The following GALNT7 variants were observed in gnomAD, a reference collection of about 807,000 sequenced individuals.
The protein encoded by GALNT7 is polypeptide N-acetylgalactosaminyltransferase 7.
Under a neutral mutation model 82.1 loss-of-function variants are expected in GALNT7, and 60 were observed. That is an observed-to-expected ratio of 0.73 (90% CI 0.59 to 0.91). The LOEUF is 0.91. GALNT7 is among the 40% of genes least tolerant of loss of function. GALNT7 has a pLI of 0.00. For synonymous variants in GALNT7, 243 were observed against 275.1 expected (o/e 0.88, Z 1.15); for missense variants, 660 against 804.2 (o/e 0.82, Z 2.17).
At chr4:173,239,957 T>A (rs1277525867) in intron 1 of GALNT7, among the ~76,000 whole-genome samples, 5 of 152,182 alleles carry the variant, frequency 3.3e-5, no homozygotes, top group Non-Finnish European at 7.3e-5. Context: ...TATAACGGAT[T>A]TGTTACCCAT....
intron 1 of GALNT7, among the ~76,000 whole-genome samples, chr4:173,225,556 G>A (rs1733798915): frequency 6.6e-6 from 1 of 152,114 alleles, no homozygotes; most frequent in Non-Finnish European, 1.5e-5. Flanking sequence ...ATTTAGCATT[G>A]CCAGGCACTC....
chr4:173,301,832 TAC>T (rs1238011426), intron 6 of GALNT7, among the ~76,000 whole-genome samples: 1 of 152,260 alleles, frequency 6.6e-6, no homozygotes, highest in Non-Finnish European at 1.5e-5. Context: ...TGTAATGAGC[TAC>T]AGTTTCAGTT....
intron 9 of GALNT7, among the ~76,000 whole-genome samples, chr4:173,315,502 T>C (rs1424626734): frequency 6.6e-6 from 1 of 152,108 alleles, no homozygotes; most frequent in African/African-American, 2.4e-5. Flanking sequence ...TTCATGGGAC[T>C]GAATGAGGTC....
intron 2 of GALNT7, among the ~76,000 whole-genome samples, chr4:173,268,592 G>A (rs1035608413): frequency 2.9e-4 from 39 of 135,502 alleles, no homozygotes; most frequent in African/African-American, 1.1e-3. Context: ...CAGGCGTGGC[G>A]CCATCTTGGC....
intron 10 of GALNT7, 69 bp from the exon 11 acceptor site, chr4:173,318,358 GTTTC>G: frequency 8.2e-7 from 1 of 1,213,056 alleles, no homozygotes; most frequent in South Asian, 1.4e-5. Context: ...TAGGAGTTAA[GTTTC>G]TTTCTTTTCA....
chr4:173,192,312 CT>C (rs781015841), intron 1 of GALNT7, among the ~76,000 whole-genome samples: 18 of 152,256 alleles, frequency 1.2e-4, no homozygotes, highest in African/African-American at 4.3e-4. Context: ...TACCCTCCCC[CT>C]GTCCATTATG....
intron 1 of GALNT7, among the ~76,000 whole-genome samples, chr4:173,184,683 A>G (rs1008178175): frequency 2.0e-5 from 3 of 152,032 alleles, no homozygotes; most frequent in Non-Finnish European, 4.4e-5. Context: ...TGCCTTATAT[A>G]TGCAGTGATG....
At chr4:173,209,138 C>T (rs1223448605) in intron 1 of GALNT7, among the ~76,000 whole-genome samples, 1 of 152,210 alleles carries the variant, frequency 6.6e-6, no homozygotes. Flanking sequence ...CTGATGCACA[C>T]TGGTGCCAAA....
intron 1 of GALNT7, among the ~76,000 whole-genome samples, chr4:173,197,206 C>G (rs1227683520): frequency 6.6e-6 from 1 of 151,952 alleles, no homozygotes; most frequent in Non-Finnish European, 1.5e-5. Context: ...AGACTCATCA[C>G]TGAGATTCTT....
At chr4:173,304,434 T>C (rs567814320) in intron 8 of GALNT7, among the ~76,000 whole-genome samples, 10 of 152,166 alleles carry the variant, frequency 6.6e-5, no homozygotes, top group Admixed American at 2.0e-4. Flanking sequence ...ATTTTTTTAA[T>C]TGACAAGTAA....
rs1479130303 is a variant in GALNT7 at position 173,323,265 on chromosome 4, A to C, written c.*1548A>C. On this transcript the variant is annotated 3_prime_UTR_variant, in exon 12 of 12. Coordinates refer to ENST00000265000, the MANE Select transcript of GALNT7 (RefSeq NM_017423.3). The stretch of plus-strand genomic sequence containing the variant: ...GAGGAAGTTTGTTTTTTAATTTAAG[A>C]GGGAAATATAACCTATAAATTTGTT... The C allele has an allele frequency of 6.6e-6, 1 of 152,568 alleles. No homozygotes were observed. Among genetic ancestry groups the C allele is most frequent in the Non-Finnish European group, 1.5e-5 (1 of 67,984 alleles). 9.5% of individuals were successfully genotyped at this position (152,568 alleles called of 1,614,324 possible). A position where few individuals can be genotyped will look rare whatever the true frequency, so the allele number is the denominator to read the frequency against.
At chr4:173,229,128 A>ATT (rs1733938020) in intron 1 of GALNT7, among the ~76,000 whole-genome samples, 1 of 152,226 alleles carries the variant, frequency 6.6e-6, no homozygotes, top group Non-Finnish European at 1.5e-5. Flanking sequence ...CCTATGTGCC[A>ATT]AAGTGACTAG....
rs1737910942 is a variant in GALNT7 at position 173,323,853 on chromosome 4, AAATT to A, written c.*2137_*2140del. Reference sequence around the variant, plus strand: ...TTTGATACACTGTATGTTTCTGTAGAAATTGTATAAATATTCAAAATTTTATTAG... The same window carrying A: ...TTTGATACACTGTATGTTTCTGTAGAGTATAAATATTCAAAATTTTATTAG... On this transcript the variant is annotated 3_prime_UTR_variant, in exon 12 of 12. Transcript: ENST00000265000. 1.3e-5 allele frequency: 2 copies of A among 152,616 alleles called. No individual in the cohort carries two copies. Among genetic ancestry groups the A allele is most frequent in the African/African-American group, 4.8e-5 (2 of 41,462 alleles). 9.5% of individuals were successfully genotyped at this position (152,616 alleles called of 1,614,324 possible).
chr4:173,195,318 T>C (rs996200572), intron 1 of GALNT7, among the ~76,000 whole-genome samples: 2 of 152,172 alleles, frequency 1.3e-5, no homozygotes, highest in East Asian at 1.9e-4. Context: ...TTCCAAAGCC[T>C]GAAGGGGGCT....
At chr4:173,283,807 G>A (rs1736210668) in intron 2 of GALNT7, among the ~76,000 whole-genome samples, 1 of 152,142 alleles carries the variant, frequency 6.6e-6, no homozygotes, top group South Asian at 2.1e-4. Flanking sequence ...CAAAGCCTTG[G>A]TAAAACAACG....
intron 1 of GALNT7, among the ~76,000 whole-genome samples, chr4:173,240,043 A>T (rs1044184645): frequency 2.0e-5 from 3 of 152,206 alleles, no homozygotes; most frequent in African/African-American, 7.2e-5. Context: ...CCAAAAGATC[A>T]AACTTGTGAC....
At position 173,304,089 on chromosome 4, in the gene GALNT7, A is replaced by T. The variant is rs770637602; in HGVS notation, c.1360A>T (p.Ile454Phe). Residue 454 changes from isoleucine (I) to phenylalanine (F), a missense_variant, in exon 8 of 12, where the codon ATT becomes TTT. Ile to Phe is a conservative substitution (Grantham distance 21, BLOSUM62 0). Around this residue, in one of 2 missense-constraint regions of GALNT7, gnomAD observed 527 missense variants for 683.5 expected, o/e 0.77. Coordinates refer to ENST00000265000, the MANE Select transcript of GALNT7 (RefSeq NM_017423.3). ...GGGCTGGCAAGGAAATCCTCCGCCC[A>T]TTTATGTTGGGTCTTCTCCAACTCT... ...LEGWQGNPPP[I>F]YVGSSPTLKN... 5.6e-6 allele frequency: 9 copies of T among 1,613,552 alleles called. No individual in the cohort carries two copies. Among genetic ancestry groups the T allele is most frequent in the Non-Finnish European group, 7.6e-6 (9 of 1,179,740 alleles).
In GALNT7 at chr4:173,320,353, A is replaced by G. The variant is rs1258578418; in HGVS notation, c.1837-1227A>G. On this transcript the variant is annotated intron_variant, in intron 11 of 11. Transcript: ENST00000265000. The surrounding 1 kb of genome is among the most constrained non-coding windows in gnomAD (Gnocchi z 4.1). ...TTGTAAAGTTTTTATATATTAATTC[A>G]TCTAAAAGTAATAATAATATACTTA... Among the ~76,000 whole-genome samples the G allele has an allele frequency of 1.3e-5, 2 of 152,102 alleles. No homozygotes were observed. Among genetic ancestry groups the G allele is most frequent in the Non-Finnish European group, 2.9e-5 (2 of 67,996 alleles).
intron 2 of GALNT7, among the ~76,000 whole-genome samples, chr4:173,282,261 C>A (rs1736139903): frequency 6.6e-6 from 1 of 152,132 alleles, no homozygotes; most frequent in Non-Finnish European, 1.5e-5. Flanking sequence ...CCCCGTCTTC[C>A]CTGTGCAAGT....
Sources: allele counts gnomAD v4.1 joint callset (sites outside exome capture counted in the v4.1 genomes callset), GRCh38; gene constraint gnomAD v4.1.1; regional missense constraint gnomAD v4.1.1; non-coding constraint Gnocchi (gnomAD v3.1); transcripts MANE v1.5; gene names NCBI Gene and HGNC (gene_info 2026-07-23, HGNC 2026-07-21).